AK2: variants seen among roughly 807,000 people sequenced by gnomAD.
AK2 encodes adenylate kinase 2, mitochondrial.
In AK2, 15 loss-of-function variants were observed where a neutral mutation model predicts 24.6. That is an observed-to-expected ratio of 0.61 (90% confidence interval 0.41 to 0.94). The LOEUF is 0.94. AK2 is among the 40% of genes least tolerant of loss of function. The pLI, the probability that AK2 is intolerant of heterozygous loss-of-function variation, is 0.00. For synonymous variants in AK2, 102 were observed against 114.0 expected, an observed-to-expected ratio of 0.90 and a Z score of 0.67; for missense variants, 257 against 304.1, an observed-to-expected ratio of 0.85 and a Z score of 1.15.
intron 1 of AK2, among the ~76,000 whole-genome samples, chr1:33,026,394 G>T (rs1639885525): frequency 6.6e-6 from 1 of 152,186 alleles, no homozygotes; most frequent in Non-Finnish European, 1.5e-5. Flanking sequence ...TTTCTTAGGT[G>T]CATGCTTAGG....
rs1449020915 is a variant in AK2, at chr1:33,011,078, C to G, written c.*2103G>C. 3 of 1,440,450 alleles carry G rather than the reference C, an allele frequency of 2.1e-6. No homozygotes were observed. Among genetic ancestry groups the G allele is most frequent in the East Asian group, 5.0e-5 (2 of 39,706 alleles). 89.2% of individuals were successfully genotyped at this position (1,440,450 alleles called of 1,614,324 possible). A position where few individuals can be genotyped will look rare whatever the true frequency, so the allele number is the denominator to read the frequency against. ...GAATCTTCCAGTTCTTATGGGCAGCCCAAATATTACTTGTACATGTTGTAT... is the reference window on the plus strand; with the variant it reads ...GAATCTTCCAGTTCTTATGGGCAGCGCAAATATTACTTGTACATGTTGTAT... On this transcript the variant is annotated 3_prime_UTR_variant, in exon 6 of 6. Transcript: ENST00000672715.
intron 4 of AK2, 28 bp downstream of exon 4, chr1:33,021,339 T>G: frequency 1.3e-6 from 2 of 1,597,074 alleles, no homozygotes; most frequent in Admixed American, 3.3e-5. Flanking sequence ...CTGAGAAGCA[T>G]GAAAAGGGAC....
chr1:33,030,643 GC>G (rs1640180601), intron 1 of AK2, among the ~76,000 whole-genome samples: 1 of 152,212 alleles, frequency 6.6e-6, no homozygotes. Flanking sequence ...ATCATGCCAA[GC>G]AGTTTTCCAT....
At chr1:33,013,809 TTAAA>T (rs985378575) in intron 5 of AK2, among the ~76,000 whole-genome samples, 2 of 152,240 alleles carry the variant, frequency 1.3e-5, no homozygotes, top group African/African-American at 4.8e-5. Context: ...TCTTAGTTGC[TTAAA>T]TATTTAGTGT....
At position 33,012,537 on chromosome 1, in the gene AK2, TC is replaced by T. The variant is rs1638891696; in HGVS notation, c.*643del. 1 of 1,322,032 alleles carries T rather than the reference TC, an allele frequency of 7.6e-7. No individual in the cohort carries two copies. Among genetic ancestry groups the T allele is most frequent in the Admixed American group, 2.2e-5 (1 of 44,606 alleles). 81.9% of individuals were successfully genotyped at this position (1,322,032 alleles called of 1,614,324 possible). On this transcript the variant is annotated 3_prime_UTR_variant, in exon 6 of 6. Transcript: ENST00000672715. ...ATACTATGAGGTTCTGGAATTGCGG[TC>T]CCTGGAAGATTACCTGGGTTAGTTC... is the stretch of plus-strand genomic sequence containing the variant.
In AK2 at chr1:33,036,723, T is replaced by C. The variant is rs751090963; in HGVS notation, c.93+13A>G. On this transcript the variant is annotated intron_variant, in intron 1 of 5. Transcript: ENST00000672715. ...CAGCAGGCTCCGCCGCCAAGCCCAG[T>C]CCTGCCGCTCACCTGGGTCCCTTTA... is the stretch of plus-strand genomic sequence containing the variant. 1.3e-6 allele frequency: 2 copies of C among 1,570,510 alleles called. No individual in the cohort carries two copies. Among genetic ancestry groups the C allele is most frequent in the Non-Finnish European group, 1.7e-6 (2 of 1,156,634 alleles).
intron 1 of AK2, 37 bp from the exon 2 acceptor site, chr1:33,024,604 A>C (rs1557625803): frequency 1.2e-6 from 2 of 1,613,726 alleles, no homozygotes; most frequent in Non-Finnish European, 1.7e-6. Flanking sequence ...ATTCAATTAC[A>C]TTACAGGCTG....
chr1:33,032,816 G>A (rs1253998737), intron 1 of AK2, among the ~76,000 whole-genome samples: 1 of 152,094 alleles, frequency 6.6e-6, no homozygotes, highest in East Asian at 1.9e-4. Flanking sequence ...AGTACACCAG[G>A]GGAATACAAC....
chr1:33,031,124 C>T (rs568988997), intron 1 of AK2: 10 of 152,366 alleles, frequency 6.6e-5, no homozygotes, highest in African/African-American at 2.4e-4. Context: ...AACAGGAGAA[C>T]TTCAGCAAAT....
chr1:33,015,370 C>G (rs953655699), intron 4 of AK2, among the ~76,000 whole-genome samples: 8 of 152,196 alleles, frequency 5.3e-5, no homozygotes, highest in African/African-American at 1.2e-4. Flanking sequence ...TCCCTACAGA[C>G]AACAAGCCCA....
intron 4 of AK2, among the ~76,000 whole-genome samples, chr1:33,015,546 G>T (rs1367037476): frequency 6.6e-6 from 1 of 152,216 alleles, no homozygotes; most frequent in Non-Finnish European, 1.5e-5. Flanking sequence ...CTTTTCTCAT[G>T]AAGGTCTATT....
At position 33,008,377 on chromosome 1, in the gene AK2, G is replaced by A. The variant is rs1255165937; in HGVS notation, c.*4804C>T. Reference sequence around the variant, plus strand: ...AAAGACTTGTGAGGCTTCTGAGGAGGCTGCTCTCCATCCTGCTGTGTTCTG... The same window carrying A: ...AAAGACTTGTGAGGCTTCTGAGGAGACTGCTCTCCATCCTGCTGTGTTCTG... On this transcript the variant is annotated 3_prime_UTR_variant, in exon 6 of 6. Transcript: ENST00000672715. The A allele has an allele frequency of 4.4e-6, 2 of 453,970 alleles. No homozygotes were observed. 28.1% of individuals were successfully genotyped at this position (453,970 alleles called of 1,614,324 possible). A position where few individuals can be genotyped will look rare whatever the true frequency, so the allele number is the denominator to read the frequency against.
At chr1:33,023,716 C>A (rs1016463771) in intron 2 of AK2, among the ~76,000 whole-genome samples, 1 of 152,198 alleles carries the variant, frequency 6.6e-6, no homozygotes, top group African/African-American at 2.4e-5. Context: ...CTTCCTAAAT[C>A]CTCTCTTGAA....
In AK2 at chr1:33,013,101, G is replaced by A; in HGVS notation, c.*80C>T. ...TCAAATGATATTTTTGCTAGCCTGA[G>A]GAAGCTTCTCTTTGCCTGTCCTATC... On this transcript the variant is annotated 3_prime_UTR_variant, in exon 6 of 6. Transcript: ENST00000672715. 6.2e-7 allele frequency: 1 copy of A among 1,612,578 alleles called. No individual in the cohort carries two copies. Among genetic ancestry groups the A allele is most frequent in the Non-Finnish European group, 8.5e-7 (1 of 1,179,984 alleles).
intron 4 of AK2, among the ~76,000 whole-genome samples, chr1:33,018,781 T>A (rs1279771095): frequency 6.6e-6 from 1 of 152,188 alleles, no homozygotes. Context: ...CACCACATCA[T>A]GTGGATCATA....
intron 4 of AK2, among the ~76,000 whole-genome samples, chr1:33,020,952 G>A (rs530818265): frequency 8.6e-5 from 13 of 151,710 alleles, no homozygotes; most frequent in African/African-American, 2.2e-4. Context: ...AAAACCAGCC[G>A]GGCCAACATG....
rs1489832385 is a variant in AK2 at position 33,018,976 on chromosome 1, C to A, written c.425+2391G>T. On this transcript the variant is annotated intron_variant, in intron 4 of 5. Coordinates refer to ENST00000672715, the MANE Select transcript of AK2 (RefSeq NM_001625.4). ...GGTTTGGCAGATCTCCCCAGTAAAG[C>A]TCTTCTCAACAGCATTCCTTCTACC... Among the ~76,000 whole-genome samples, 3 of 152,198 alleles carry A rather than the reference C, an allele frequency of 2.0e-5. No individual in the cohort carries two copies. In the East Asian group the frequency reaches 5.8e-4, roughly 29 times the overall value.
rs1557601804 is a variant in AK2 at position 33,008,438 on chromosome 1, C to T, written c.*4743G>A. On this transcript the variant is annotated 3_prime_UTR_variant, in exon 6 of 6. Transcript: ENST00000672715. The stretch of plus-strand genomic sequence containing the variant: ...TTTGTGCACACAGGAGATCCTAAGA[C>T]ACATACCCTAGGCCCTCAGAGCCGG... 4 of 454,088 alleles carry T rather than the reference C, an allele frequency of 8.8e-6. No homozygotes were observed. Among genetic ancestry groups the T allele is most frequent in the South Asian group, 1.6e-5 (1 of 64,474 alleles). 28.1% of individuals were successfully genotyped at this position (454,088 alleles called of 1,614,324 possible).
rs370853949 is a variant in AK2, at chr1:33,028,675, T to C, written c.94-4108A>G. ...TCTGTTGCTGTCAGCCAAAAACTGT[T>C]GCTGAGCCCAAGAAACAGGCTCATC... On this transcript the variant is annotated intron_variant, in intron 1 of 5. Coordinates refer to ENST00000672715, the MANE Select transcript of AK2 (RefSeq NM_001625.4). Among the ~76,000 whole-genome samples the C allele has an allele frequency of 2.0e-5, 3 of 152,268 alleles. No individual in the cohort carries two copies. In the East Asian group the frequency reaches 5.8e-4, roughly 29 times the overall value.
Sources: allele counts gnomAD v4.1 joint callset (sites outside exome capture counted in the v4.1 genomes callset), GRCh38; gene constraint gnomAD v4.1.1; transcripts MANE v1.5; gene names NCBI Gene and HGNC (gene_info 2026-07-23, HGNC 2026-07-21).